Variants in PLSCR2 observed in about 807,000 individuals in gnomAD.
PLSCR2 encodes PL scramblase 2.
Under a neutral mutation model 25.3 loss-of-function variants are expected in PLSCR2, and 18 were observed. The observed-to-expected ratio is 0.71, with a 90% CI of 0.49 to 1.06. The LOEUF (loss-of-function observed/expected upper bound fraction) is 1.06, where lower values mean the gene tolerates loss of function less well. PLSCR2 is among the 50% of genes least tolerant of loss of function. PLSCR2 has a pLI of 0.00. For missense variants in PLSCR2, 243 were observed against 269.5 expected, an observed-to-expected ratio of 0.90 and a Z score of 0.69; for synonymous variants, 88 against 87.3, an observed-to-expected ratio of 1.01 and a Z score of -0.04.
At chr3:146,451,107 C>CTTTTTTTT (rs58373001) in intron 5 of PLSCR2, among the ~76,000 whole-genome samples, 1 of 79,480 alleles carries the variant, frequency 1.3e-5, no homozygotes, top group Non-Finnish European at 2.3e-5. Context: ...ATTAAGTTTT[C>CTTTTTTTT]TTTTTTTTTT....
chr3:146,455,484 G>T, intron 3 of PLSCR2, 25 bp from the exon 4 acceptor site: 1 of 1,377,078 alleles, frequency 7.3e-7, no homozygotes, highest in Non-Finnish European at 1.0e-6. Flanking sequence ...AAAATCAGTT[G>T]CCTTTACGTT....
intron 1 of PLSCR2, among the ~76,000 whole-genome samples, chr3:146,470,260 A>AT (rs571448601): frequency 1.4e-3 from 215 of 152,112 alleles, no homozygotes; most frequent in African/African-American, 4.8e-3. Flanking sequence ...GTTTCTACTG[A>AT]TTTTTTAAAA....
upstream of PLSCR2, among the ~76,000 whole-genome samples, chr3:146,464,389 A>T (rs2108449878): frequency 6.6e-6 from 1 of 152,306 alleles, no homozygotes; most frequent in East Asian, 1.9e-4. Flanking sequence ...TCTGACTAAT[A>T]TGATGAGTCT....
At chr3:146,469,329 G>A (rs2042009931) in intron 1 of PLSCR2, 166 bp downstream of exon 1, 2 of 984,698 alleles carry the variant, frequency 2.0e-6, no homozygotes, top group Non-Finnish European at 1.2e-6. Context: ...GGCCGCCTGG[G>A]GCCCCTTGCC....
At chr3:146,477,891 G>T (rs2042977714) in intron 1 of PLSCR2, among the ~76,000 whole-genome samples, 2 of 152,216 alleles carry the variant, frequency 1.3e-5, no homozygotes, top group African/African-American at 4.8e-5. Context: ...TCCAGAGGAA[G>T]GATCAGGCAG....
intron 1 of PLSCR2, among the ~76,000 whole-genome samples, chr3:146,490,861 C>A (rs995397571): frequency 1.3e-5 from 2 of 151,966 alleles, no homozygotes; most frequent in Non-Finnish European, 2.9e-5. Context: ...AAATCAATAT[C>A]GATATGTGAG....
chr3:146,406,467 A>T (rs903125017), intron 2 of PLSCR2, among the ~76,000 whole-genome samples: 5 of 152,142 alleles, frequency 3.3e-5, no homozygotes, highest in African/African-American at 1.2e-4. Flanking sequence ...TGCAAAGGAG[A>T]CTTCCTTGGA....
intron 1 of PLSCR2, among the ~76,000 whole-genome samples, chr3:146,484,008 G>A (rs138145814): frequency 6.6e-6 from 1 of 151,822 alleles, no homozygotes; most frequent in East Asian, 1.9e-4. Context: ...AAAGAAGCAT[G>A]TTCTAACCCA....
intron 3 of PLSCR2, among the ~76,000 whole-genome samples, chr3:146,394,280 T>C (rs540142628): frequency 5.5e-4 from 82 of 148,994 alleles, no homozygotes; most frequent in Middle Eastern, 3.4e-3. Context: ...CTTTTCTTTT[T>C]TTTTGAGATG....
At chr3:146,449,285 G>C (rs1373444034) in exon 6 of PLSCR2, 1 of 1,611,332 alleles carries the variant, frequency 6.2e-7, no homozygotes, top group Non-Finnish European at 8.5e-7. Flanking sequence ...AAAGTTGTCA[G>C]CATCAGTAAA....
rs1489977004 is a variant in PLSCR2 at position 146,483,491 on chromosome 3, A to G, written c.-293+12404T>C. The stretch of plus-strand genomic sequence containing the variant: ...TATATATACATGTGTATATATATAT[A>G]TATATATATATATATATAATGTTAC... On this transcript the variant is annotated intron_variant, in intron 1 of 8. Transcript: ENST00000336685. Among the ~76,000 whole-genome samples the G allele has an allele frequency of 2.5e-5, 3 of 120,300 alleles. 1 individual carries two copies. The highest frequency in any genetic ancestry group is 1.0e-4 in the African/African-American group (3 of 29,598). 78.9% of individuals were successfully genotyped at this position (120,300 alleles called of 152,430 possible). A position where few individuals can be genotyped will look rare whatever the true frequency, so the allele number is the denominator to read the frequency against.
chr3:146,423,488 T>C (rs1046007376), intron 2 of PLSCR2, among the ~76,000 whole-genome samples: 13 of 152,026 alleles, frequency 8.6e-5, no homozygotes, highest in African/African-American at 2.9e-4. Flanking sequence ...ACAAGTCACA[T>C]AAAGTAGTCA....
exon 6 of PLSCR2, chr3:146,449,249 T>C (rs2040747907): frequency 6.2e-7 from 1 of 1,613,160 alleles, no homozygotes; most frequent in Non-Finnish European, 8.5e-7. Flanking sequence ...CATTTTAACA[T>C]CAAGGTCTCT....
chr3:146,465,731 CATT>C (rs1273976205), intron 1 of PLSCR2, among the ~76,000 whole-genome samples: 1 of 152,094 alleles, frequency 6.6e-6, no homozygotes, highest in African/African-American at 2.4e-5. Flanking sequence ...AAGAATGAGA[CATT>C]ATGCTATGCC....
chr3:146,395,873 A>C (rs1390896847), exon 3 of PLSCR2: 2 of 287,844 alleles, frequency 6.9e-6, no homozygotes, highest in South Asian at 6.1e-5. Flanking sequence ...AATCCAGAGT[A>C]CTGTTTTGAA....
intron 1 of PLSCR2, among the ~76,000 whole-genome samples, chr3:146,476,080 C>CG (rs778295902): frequency 3.8e-4 from 57 of 151,988 alleles, no homozygotes; most frequent in Non-Finnish European, 6.3e-4. Context: ...TGTTATATAG[C>CG]GGGGGCGCCG....
chr3:146,495,964 C>A (rs1204690477), upstream of PLSCR2: 10 of 1,512,776 alleles, frequency 6.6e-6, no homozygotes, highest in African/African-American at 1.4e-5. Context: ...AGAATTATTG[C>A]TAGGAAGAAT....
At chr3:146,419,915 C>A (rs754062503) in intron 2 of PLSCR2, among the ~76,000 whole-genome samples, 1 of 152,122 alleles carries the variant, frequency 6.6e-6, no homozygotes, top group Middle Eastern at 3.4e-3. Flanking sequence ...TTTAGGACAA[C>A]GTAATTATAG....
At chr3:146,424,064 C>A (rs868806127) in intron 2 of PLSCR2, among the ~76,000 whole-genome samples, 26 of 151,658 alleles carry the variant, frequency 1.7e-4, no homozygotes, top group African/African-American at 6.3e-4. Flanking sequence ...AGCAAACCAC[C>A]ATGGCACGTG....
Sources: gnomAD v4.1 joint callset for allele counts (sites outside exome capture counted in the v4.1 genomes callset) on GRCh38, gnomAD v4.1.1 for gene constraint, MANE v1.5 for transcripts, NCBI Gene and HGNC (gene_info 2026-07-23, HGNC 2026-07-21) for gene names.